Variants in SYNE1 observed in about 807,000 individuals in gnomAD.
The protein encoded by SYNE1 is spectrin repeat containing nuclear envelope protein 1.
Under a neutral mutation model 1,111.0 loss-of-function variants are expected in SYNE1, and 616 were observed. That is an observed-to-expected ratio of 0.55 (90% CI 0.52 to 0.59). The LOEUF (loss-of-function observed/expected upper bound fraction) is 0.59, where lower values mean the gene tolerates loss of function less well. Ranked by LOEUF, SYNE1 falls within the 20% of genes least tolerant of loss-of-function variation. SYNE1 has a pLI of 0.00. For missense variants in SYNE1, 10,006 were observed against 10,417.0 expected (o/e 0.96, Z 1.72); for synonymous variants, 3,855 against 3,825.8 (o/e 1.01, Z -0.28).
chr6:152,551,056 A>G (rs2099344467), intron 3 of SYNE1, among the ~76,000 whole-genome samples: 1 of 152,318 alleles, frequency 6.6e-6, no homozygotes, highest in African/African-American at 2.4e-5. Flanking sequence ...AACAGTTTCA[A>G]GCAGAACTTT....
chr6:152,330,600 C>T lies in SYNE1; in HGVS notation c.14085G>A (p.Leu4695=). The T allele has an allele frequency of 6.2e-7, 1 of 1,613,578 alleles. No individual in the cohort carries two copies. The highest frequency in any genetic ancestry group is 1.3e-5 in the African/African-American group (1 of 75,042). Residue 4695 remains leucine, a synonymous_variant, in exon 78 of 146, where the codon TTG becomes TTA. Coordinates refer to ENST00000367255, the MANE Select transcript of SYNE1 (RefSeq NM_182961.4). ...QSLSELEAQF[L]RMSKVPTDLA... is the part of the protein sequence containing the mutation. ...GGTCGGTGGGAACTTTGCTCATCCT[C>T]AAGAATTGGGCTTCAAGTTCACTCA... is the stretch of plus-strand genomic sequence containing the variant.
At chr6:152,238,308 G>A (rs189949443) in intron 108 of SYNE1, among the ~76,000 whole-genome samples, 10 of 152,268 alleles carry the variant, frequency 6.6e-5, no homozygotes, top group Admixed American at 3.9e-4. Context: ...AATTAACCAC[G>A]TGTCTTGGCA....
intron 53 of SYNE1, among the ~76,000 whole-genome samples, chr6:152,388,550 T>C (rs1420883172): frequency 6.6e-6 from 1 of 152,184 alleles, no homozygotes; most frequent in Non-Finnish European, 1.5e-5. Flanking sequence ...CTGCCTAACT[T>C]GGCCTCCCAA....
At chr6:152,462,946 G>T in intron 19 of SYNE1, 56 bp from the exon 20 acceptor site, 2 of 1,593,218 alleles carry the variant, frequency 1.3e-6, no homozygotes, top group South Asian at 1.1e-5. Context: ...GCGACCACTG[G>T]AACCACAACT....
intron 78 of SYNE1, among the ~76,000 whole-genome samples, chr6:152,329,146 G>A (rs1274696823): frequency 6.6e-6 from 1 of 152,060 alleles, no homozygotes; most frequent in East Asian, 1.9e-4. Context: ...CTCTTTTAAG[G>A]TGAGAAATCA....
At chr6:152,184,872 A>G (rs951516222) in intron 128 of SYNE1, among the ~76,000 whole-genome samples, 1 of 152,152 alleles carries the variant, frequency 6.6e-6, no homozygotes, top group Non-Finnish European at 1.5e-5. Context: ...TTTAGTCTAT[A>G]TACTAAGTAA....
At chr6:152,359,291 T>A in intron 65 of SYNE1, 24 bp downstream of exon 65, 1 of 1,613,200 alleles carries the variant, frequency 6.2e-7, no homozygotes, top group Non-Finnish European at 8.5e-7. Flanking sequence ...TTGGTGAGTC[T>A]ACAAGGAAAG....
intron 33 of SYNE1, chr6:152,434,839 A>G (rs1385976667): frequency 2.6e-5 from 4 of 152,154 alleles, no homozygotes; most frequent in African/African-American, 9.6e-5. Flanking sequence ...GAGTGGCATC[A>G]TTGACTGTCA....
At chr6:152,451,283 A>T in intron 25 of SYNE1, 78 bp from the exon 26 acceptor site, 1 of 1,478,196 alleles carries the variant, frequency 6.8e-7, no homozygotes, top group Non-Finnish European at 9.4e-7. Flanking sequence ...TGGCAAAAAA[A>T]AAAACAAAAA....
At chr6:152,223,783 TCCCATCCCTTAGGGGCCTGCCCTG>T (rs1224286010) in intron 117 of SYNE1, among the ~76,000 whole-genome samples, 3 of 152,162 alleles carry the variant, frequency 2.0e-5, no homozygotes, top group Non-Finnish European at 4.4e-5. Context: ...CTTGTTGGCC[TCCCATCCCTTAGGGGCCTGCCCTG>T]CCCATCCCAT....
intron 8 of SYNE1, among the ~76,000 whole-genome samples, chr6:152,509,391 G>A (rs574363827): frequency 6.6e-6 from 1 of 151,702 alleles, no homozygotes; most frequent in African/African-American, 2.4e-5. Context: ...CGAGTAGCTG[G>A]GATTACAGGC....
chr6:152,426,062 C>T (rs1455719009), intron 38 of SYNE1, among the ~76,000 whole-genome samples: 1 of 152,188 alleles, frequency 6.6e-6, no homozygotes, highest in African/African-American at 2.4e-5. Flanking sequence ...CTTCATTTTA[C>T]TTTTAAGCAA....
chr6:152,122,559 G>C lies in SYNE1; in HGVS notation c.26271C>G (p.Leu8757=). Residue 8757 remains leucine, a synonymous_variant, in exon 146 of 146, where the codon CTC becomes CTG. Coordinates refer to ENST00000367255, the MANE Select transcript of SYNE1 (RefSeq NM_182961.4). ...AALPLQLLLL[L]LIGLACLVPM... ...GTACAAGGCAGGCAAGCCCGATGAG[G>C]AGGAGCAGGAGAAGCTGAAGGGGAA... 1.2e-6 allele frequency: 2 copies of C among 1,614,210 alleles called. No homozygotes were observed. The highest frequency in any genetic ancestry group is 1.1e-5 in the South Asian group (1 of 91,082).
intron 3 of SYNE1, among the ~76,000 whole-genome samples, chr6:152,579,553 T>C (rs1384911293): frequency 1.3e-5 from 2 of 152,228 alleles, no homozygotes; most frequent in Non-Finnish European, 2.9e-5. Flanking sequence ...GGGGTGCATG[T>C]ACAGGTTTGT....
chr6:152,531,946 T>C (rs539320804), intron 4 of SYNE1, among the ~76,000 whole-genome samples: 49 of 152,360 alleles, frequency 3.2e-4, no homozygotes, highest in African/African-American at 1.1e-3. Flanking sequence ...TTGTGATTAA[T>C]GCTACTATGA....
intron 5 of SYNE1, among the ~76,000 whole-genome samples, chr6:152,521,554 A>G (rs2099139804): frequency 6.6e-6 from 1 of 152,194 alleles, no homozygotes; most frequent in East Asian, 1.9e-4. Flanking sequence ...AATTGAATAT[A>G]TGTAAAATGT....
rs755360491 is a variant in SYNE1 at position 152,208,037 on chromosome 6, T to C, written c.22759A>G (p.Met7587Val). 14 of 1,614,122 alleles carry C rather than the reference T, an allele frequency of 8.7e-6. No individual in the cohort carries two copies. Among genetic ancestry groups the C allele is most frequent in the Non-Finnish European group, 1.1e-5 (13 of 1,180,024 alleles). ...ATAGGAACACTTCCGAGACCACTCA[T>C]GGGGAGGTAGGACACTTCAACCAAC... ...KWLVEVSYLP[M>V]SGLGSVPIPL... Residue 7587 changes from methionine (M) to valine (V), a missense_variant, in exon 125 of 146, where the codon ATG becomes GTG. Met to Val is a conservative substitution (Grantham distance 21). This residue lies in a region of SYNE1 where 2,182 missense variants were observed against 2,287.8 expected (regional missense o/e 0.95). Transcript: ENST00000367255.
chr6:152,351,243 G>A (rs1457900244), intron 70 of SYNE1, among the ~76,000 whole-genome samples: 1 of 152,206 alleles, frequency 6.6e-6, no homozygotes, highest in Admixed American at 6.5e-5. Context: ...GTGGCCAGGA[G>A]GAAGAGGTTG....
chr6:152,236,011 A>G, intron 110 of SYNE1, 96 bp downstream of exon 110: 1 of 1,361,418 alleles, frequency 7.3e-7, no homozygotes, highest in Non-Finnish European at 1.0e-6. Context: ...CCAAGTAATG[A>G]GATTATAGGT....
Sources: gnomAD v4.1 joint callset for allele counts (sites outside exome capture counted in the v4.1 genomes callset) on GRCh38, gnomAD v4.1.1 for gene constraint, gnomAD v4.1.1 regional missense constraint, MANE v1.5 for transcripts, NCBI Gene and HGNC (gene_info 2026-07-23, HGNC 2026-07-21) for gene names.